Variants in SEMA5A observed in about 807,000 individuals in gnomAD.
SEMA5A encodes semaphorin-5A.
Under a neutral mutation model 135.5 loss-of-function variants are expected in SEMA5A, and 55 were observed. The observed-to-expected ratio is 0.41, with a 90% CI of 0.33 to 0.51. SEMA5A has a LOEUF of 0.51. Among genes scored for constraint, SEMA5A ranks in the 20% least tolerant of loss-of-function variants. SEMA5A has a pLI of 0.37. For synonymous variants in SEMA5A, 580 were observed against 546.5 expected, an observed-to-expected ratio of 1.06 and a Z score of -0.85; for missense variants, 1,290 against 1,419.9, an observed-to-expected ratio of 0.91 and a Z score of 1.47.
At chr5:9,325,234 T>A (rs902074147) in intron 4 of SEMA5A, among the ~76,000 whole-genome samples, 3 of 137,594 alleles carry the variant, frequency 2.2e-5, no homozygotes, top group African/African-American at 9.9e-5. Context: ...GTGGTATGGA[T>A]CTACTTTTTT....
chr5:9,061,664 AT>A (rs1182260868), intron 18 of SEMA5A, among the ~76,000 whole-genome samples: 1 of 152,084 alleles, frequency 6.6e-6, no homozygotes, highest in African/African-American at 2.4e-5. Flanking sequence ...TGTTTCAGGC[AT>A]TGTCAGAGCA....
chr5:9,297,279 T>TA (rs764855310), intron 5 of SEMA5A, among the ~76,000 whole-genome samples: 4 of 152,122 alleles, frequency 2.6e-5, no homozygotes, highest in Non-Finnish European at 4.4e-5. Context: ...AAGGGGGAAT[T>TA]ACGCCTGCAG....
chr5:9,403,619 C>A (rs747771687), intron 2 of SEMA5A, among the ~76,000 whole-genome samples: 4 of 152,170 alleles, frequency 2.6e-5, no homozygotes, highest in Non-Finnish European at 5.9e-5. Context: ...ATGATTAACA[C>A]ATACCTGCTG....
chr5:9,051,793 A>C, intron 20 of SEMA5A, 80 bp downstream of exon 20: 3 of 1,570,576 alleles, frequency 1.9e-6, no homozygotes, highest in Non-Finnish European at 2.6e-6. Flanking sequence ...TAAGCCAAAT[A>C]AAACTCTGAC....
intron 2 of SEMA5A, among the ~76,000 whole-genome samples, chr5:9,422,719 C>A (rs1283251051): frequency 1.3e-5 from 2 of 152,122 alleles, no homozygotes; most frequent in Admixed American, 1.3e-4. Flanking sequence ...TCTGTCTGAT[C>A]TTCCAAAGCA....
At chr5:9,355,572 C>T (rs1156396485) in intron 3 of SEMA5A, among the ~76,000 whole-genome samples, 1 of 152,028 alleles carries the variant, frequency 6.6e-6, no homozygotes, top group East Asian at 1.9e-4. Flanking sequence ...GGGAACAATC[C>T]AATAGTTCTT....
At chr5:9,161,364 A>C (rs1743246168) in intron 11 of SEMA5A, among the ~76,000 whole-genome samples, 1 of 152,182 alleles carries the variant, frequency 6.6e-6, no homozygotes, top group South Asian at 2.1e-4. Flanking sequence ...TCCAATGGTG[A>C]CACATCAGAC....
intron 11 of SEMA5A, among the ~76,000 whole-genome samples, chr5:9,182,583 C>A (rs537456032): frequency 6.6e-6 from 1 of 152,040 alleles, no homozygotes; most frequent in African/African-American, 2.4e-5. Context: ...ATGTTTGCTT[C>A]ATTGAGGGTG....
chr5:9,078,008 C>G (rs962121743), intron 16 of SEMA5A, among the ~76,000 whole-genome samples: 1 of 152,196 alleles, frequency 6.6e-6, no homozygotes, highest in South Asian at 2.1e-4. Flanking sequence ...CACTGGAAAT[C>G]TTTATTACAG....
chr5:9,335,181 C>T (rs570436245), intron 4 of SEMA5A, among the ~76,000 whole-genome samples: 1 of 152,108 alleles, frequency 6.6e-6, no homozygotes, highest in East Asian at 1.9e-4. Flanking sequence ...ATAGAGACTT[C>T]CAGGAATGCT....
chr5:9,540,595 T>C (rs980398857), intron 1 of SEMA5A, among the ~76,000 whole-genome samples: 2 of 151,994 alleles, frequency 1.3e-5, no homozygotes, highest in Non-Finnish European at 1.5e-5. Flanking sequence ...AGACTCTGTC[T>C]CAAAAATAAG....
At chr5:9,091,372 C>T (rs1561143274) in intron 16 of SEMA5A, among the ~76,000 whole-genome samples, 1 of 152,090 alleles carries the variant, frequency 6.6e-6, no homozygotes, top group Admixed American at 6.5e-5. Flanking sequence ...CCATGGGGTA[C>T]ATCTGAGAAA....
At chr5:9,453,501 G>A (rs1165049883) in intron 1 of SEMA5A, among the ~76,000 whole-genome samples, 3 of 152,204 alleles carry the variant, frequency 2.0e-5, no homozygotes, top group Non-Finnish European at 4.4e-5. Context: ...GGAAGGCTGT[G>A]ATGTGCCCTA....
At chr5:9,121,810 C>T (rs1209785147) in intron 14 of SEMA5A, among the ~76,000 whole-genome samples, 1 of 152,212 alleles carries the variant, frequency 6.6e-6, no homozygotes, top group East Asian at 1.9e-4. Context: ...ACTTTACTTT[C>T]CTGGCCCACT....
intron 11 of SEMA5A, among the ~76,000 whole-genome samples, chr5:9,165,669 T>C (rs1743567810): frequency 6.6e-6 from 1 of 152,218 alleles, no homozygotes; most frequent in Non-Finnish European, 1.5e-5. Flanking sequence ...GTTTGGCTCA[T>C]CGACCCAGAG....
In SEMA5A at chr5:9,206,895, A is replaced by C. The variant is rs1346747232; in HGVS notation, c.647-4655T>G. ...TAGTTTGCAAAGCTGTGAAAATTAA[A>C]TGGGCTGATACATAGCAGGATGCCA... On this transcript the variant is annotated intron_variant, in intron 8 of 22. Coordinates refer to ENST00000382496, the MANE Select transcript of SEMA5A (RefSeq NM_003966.3). 2.0e-5 allele frequency among the ~76,000 whole-genome samples: 3 copies of C among 150,156 alleles called. No individual in the cohort carries two copies. The East Asian group carries it at 6.0e-4, about 30-fold the overall frequency.
intron 1 of SEMA5A, among the ~76,000 whole-genome samples, chr5:9,482,592 C>T (rs540776762): frequency 2.6e-5 from 4 of 152,302 alleles, no homozygotes; most frequent in African/African-American, 4.8e-5. Flanking sequence ...GACCACCCAT[C>T]GGAAGAAGCC....
intron 11 of SEMA5A, among the ~76,000 whole-genome samples, chr5:9,155,884 A>T (rs1369681435): frequency 1.3e-5 from 2 of 152,248 alleles, no homozygotes; most frequent in Non-Finnish European, 2.9e-5. Context: ...CATATCTGAA[A>T]CATCTCCAGT....
chr5:9,208,815 C>A (rs764647254), intron 8 of SEMA5A, among the ~76,000 whole-genome samples: 2 of 152,114 alleles, frequency 1.3e-5, no homozygotes, highest in Non-Finnish European at 2.9e-5. Flanking sequence ...CACTCCGTTT[C>A]CTGGGTGTGT....
Sources: allele counts gnomAD v4.1 joint callset (sites outside exome capture counted in the v4.1 genomes callset), GRCh38; gene constraint gnomAD v4.1.1; transcripts MANE v1.5; gene names NCBI Gene and HGNC (gene_info 2026-07-23, HGNC 2026-07-21).